Variants in SPON1 observed in about 807,000 individuals in gnomAD.
The protein encoded by SPON1 is spondin 1.
In SPON1, 52 loss-of-function variants were observed where a neutral mutation model predicts 111.7. The observed-to-expected ratio is 0.47, with a 90% CI of 0.37 to 0.59. The LOEUF is 0.59. SPON1 is among the 20% of genes least tolerant of loss of function. The pLI, the probability that SPON1 is intolerant of heterozygous loss-of-function variation, is 0.00. For synonymous variants in SPON1, 410 were observed against 395.8 expected, an observed-to-expected ratio of 1.04 and a Z score of -0.43; for missense variants, 957 against 1,068.5, an observed-to-expected ratio of 0.90 and a Z score of 1.46.
chr11:14,042,932 T>C (rs1482960145), intron 3 of SPON1, among the ~76,000 whole-genome samples: 1 of 152,262 alleles, frequency 6.6e-6, no homozygotes, highest in Non-Finnish European at 1.5e-5. Flanking sequence ...TATTTGTTTC[T>C]TTCTTAGTTT....
chr11:14,247,729 T>A (rs545828565), intron 7 of SPON1, among the ~76,000 whole-genome samples: 101 of 152,186 alleles, frequency 6.6e-4, no homozygotes, highest in Middle Eastern at 3.4e-3. Context: ...GAAAGAGTGG[T>A]GAAGCCACTC....
intron 2 of SPON1, among the ~76,000 whole-genome samples, chr11:14,018,135 C>A (rs980634535): frequency 1.3e-5 from 2 of 152,080 alleles, no homozygotes; most frequent in African/African-American, 4.8e-5. Context: ...GGTCTTGTTG[C>A]GAATTTGTGG....
intron 5 of SPON1, among the ~76,000 whole-genome samples, chr11:14,111,357 G>A (rs1470564375): frequency 6.6e-6 from 1 of 152,172 alleles, no homozygotes; most frequent in Non-Finnish European, 1.5e-5. Context: ...AGGCATTAGA[G>A]TTGGTTGGGA....
At chr11:14,155,563 A>G (rs1318902481) in intron 6 of SPON1, among the ~76,000 whole-genome samples, 4 of 151,198 alleles carry the variant, frequency 2.6e-5, no homozygotes, top group Non-Finnish European at 4.4e-5. Flanking sequence ...GTTTAGTTAC[A>G]TATGTATACA....
intron 6 of SPON1, among the ~76,000 whole-genome samples, chr11:14,154,595 G>A (rs1847821916): frequency 1.3e-5 from 2 of 152,232 alleles, no homozygotes; most frequent in African/African-American, 2.4e-5. Flanking sequence ...ACAGGCTGCT[G>A]TGAAGGTTTC....
chr11:13,998,418 C>T (rs1554912078), intron 2 of SPON1, among the ~76,000 whole-genome samples: 1 of 152,226 alleles, frequency 6.6e-6, no homozygotes, highest in Non-Finnish European at 1.5e-5. Context: ...CACAGATCCA[C>T]CAGGTCTCTT....
intron 5 of SPON1, among the ~76,000 whole-genome samples, chr11:14,122,318 C>T (rs755899301): frequency 6.6e-6 from 1 of 152,110 alleles, no homozygotes; most frequent in Non-Finnish European, 1.5e-5. Context: ...GGACTACAGG[C>T]GCCCGCCACC....
chr11:14,108,144 T>G (rs1264823941), intron 5 of SPON1, among the ~76,000 whole-genome samples: 1 of 152,204 alleles, frequency 6.6e-6, no homozygotes, highest in African/African-American at 2.4e-5. Flanking sequence ...ATCACTGTAT[T>G]GTTGTAGAGT....
intron 3 of SPON1, among the ~76,000 whole-genome samples, chr11:14,049,551 TC>T (rs1314959316): frequency 1.3e-5 from 2 of 152,170 alleles, no homozygotes; most frequent in African/African-American, 4.8e-5. Flanking sequence ...TGCATCTCTC[TC>T]TCTGAACTCT....
At chr11:13,968,731 TGGG>T (rs1848038841) in intron 1 of SPON1, among the ~76,000 whole-genome samples, 1 of 152,044 alleles carries the variant, frequency 6.6e-6, no homozygotes, top group African/African-American at 2.4e-5. Context: ...TGCAGTGGAC[TGGG>T]GGGAGAGGAA....
chr11:14,032,467 G>A (rs61482810), intron 2 of SPON1, among the ~76,000 whole-genome samples: 5,640 of 152,188 alleles, frequency 0.037, 359 homozygotes, highest in African/African-American at 0.13. Context: ...TGTGGGCCAC[G>A]ACCAGTTAGG....
At chr11:13,997,781 G>A (rs924060761) in intron 2 of SPON1, among the ~76,000 whole-genome samples, 6 of 152,104 alleles carry the variant, frequency 3.9e-5, no homozygotes, top group South Asian at 2.1e-4. Flanking sequence ...TACATGATGC[G>A]CAAACAAAAT....
At chr11:14,059,181 C>A (rs1848769971) in intron 3 of SPON1, among the ~76,000 whole-genome samples, 1 of 152,090 alleles carries the variant, frequency 6.6e-6, no homozygotes, top group Non-Finnish European at 1.5e-5. Flanking sequence ...CTGGGCTGGA[C>A]CAGTGAGGGT....
chr11:13,994,509 C>T (rs1388355170), intron 2 of SPON1, among the ~76,000 whole-genome samples: 6 of 152,074 alleles, frequency 3.9e-5, no homozygotes, highest in Non-Finnish European at 2.9e-5. Context: ...GAAGTCATGG[C>T]CACTGATGTG....
At chr11:13,991,449 A>G (rs781919212) in intron 2 of SPON1, among the ~76,000 whole-genome samples, 3 of 152,036 alleles carry the variant, frequency 2.0e-5, no homozygotes, top group Admixed American at 6.6e-5. Flanking sequence ...TCTTCTCTAC[A>G]CTGGTTATTC....
At chr11:13,993,018 C>A (rs782099709) in intron 2 of SPON1, among the ~76,000 whole-genome samples, 1 of 152,064 alleles carries the variant, frequency 6.6e-6, no homozygotes, top group East Asian at 1.9e-4. Context: ...GCCAGCCTCC[C>A]CTAAATATTC....
intron 5 of SPON1, among the ~76,000 whole-genome samples, chr11:14,113,314 C>T (rs1295709413): frequency 6.6e-6 from 1 of 152,200 alleles, no homozygotes. Flanking sequence ...CACCAGCTAC[C>T]ACAATGGGCT....
chr11:14,100,608 C>A (rs1442364825), intron 5 of SPON1, among the ~76,000 whole-genome samples: 2 of 152,070 alleles, frequency 1.3e-5, no homozygotes, highest in Admixed American at 1.3e-4. Context: ...CAAATACACA[C>A]TTTATGTTGG....
In SPON1 at chr11:14,228,882, A is replaced by C. The variant is rs1848766912; in HGVS notation, c.826-14450A>C. Among the ~76,000 whole-genome samples the C allele has an allele frequency of 6.6e-6, 1 of 152,204 alleles. No homozygotes were observed. Among genetic ancestry groups the C allele is most frequent in the Non-Finnish European group, 1.5e-5 (1 of 68,044 alleles). ...TTGAGATGATCCTTAATATGTACAC[A>C]ATCTATTATTTTATTCTCACAAAAA... is the stretch of plus-strand genomic sequence containing the variant. On this transcript the variant is annotated intron_variant, in intron 6 of 15. Coordinates refer to ENST00000576479, the MANE Select transcript of SPON1 (RefSeq NM_006108.4). This position sits in a 1 kb window ranked among gnomAD's most constrained non-coding sequence, Gnocchi z 4.2.
Sources: allele counts gnomAD v4.1 joint callset (sites outside exome capture counted in the v4.1 genomes callset), GRCh38; gene constraint gnomAD v4.1.1; non-coding constraint Gnocchi (gnomAD v3.1); transcripts MANE v1.5; gene names NCBI Gene and HGNC (gene_info 2026-07-23, HGNC 2026-07-21).